Variants in RABGAP1L observed in about 807,000 individuals in gnomAD.
RABGAP1L encodes the protein rab GTPase-activating protein 1-like.
A neutral mutation model predicts 137.7 loss-of-function variants in RABGAP1L; 63 were observed. The observed-to-expected ratio is 0.46, with a 90% CI of 0.37 to 0.56. The LOEUF (loss-of-function observed/expected upper bound fraction) is 0.56. Ranked by LOEUF, RABGAP1L falls within the 20% of genes least tolerant of loss-of-function variation. The pLI, the probability that RABGAP1L is intolerant of heterozygous loss-of-function variation, is 0.00. For missense variants in RABGAP1L, 1,095 were observed against 1,244.0 expected (o/e 0.88, Z 1.80); for synonymous variants, 431 against 433.7 (o/e 0.99, Z 0.08).
At chr1:174,728,594 C>CTTTTTTTTTT (rs1294397296) in intron 17 of RABGAP1L, among the ~76,000 whole-genome samples, 1 of 114,626 alleles carries the variant, frequency 8.7e-6, no homozygotes, top group Non-Finnish European at 1.8e-5. Flanking sequence ...CTACCAGTGT[C>CTTTTTTTTTT]TTTTTTTTTT....
chr1:174,924,432 A>G (rs1230073158), intron 19 of RABGAP1L, among the ~76,000 whole-genome samples: 1 of 151,368 alleles, frequency 6.6e-6, no homozygotes, highest in Non-Finnish European at 1.5e-5. Flanking sequence ...TACTACTGAA[A>G]TCTAGAAAAG....
At chr1:174,168,120 C>T (rs1665054334) in intron 1 of RABGAP1L, among the ~76,000 whole-genome samples, 2 of 151,856 alleles carry the variant, frequency 1.3e-5, no homozygotes, top group South Asian at 4.1e-4. Flanking sequence ...CAAAAATTAG[C>T]CGAATGTGGT....
chr1:174,756,776 A>G (rs1684799616), intron 18 of RABGAP1L: 1 of 438,012 alleles, frequency 2.3e-6, no homozygotes, highest in Non-Finnish European at 4.5e-6. Context: ...TCCTTTGTTG[A>G]GGACAGGGGA....
At chr1:174,773,820 T>G (rs1686310958) in intron 18 of RABGAP1L, among the ~76,000 whole-genome samples, 1 of 152,222 alleles carries the variant, frequency 6.6e-6, no homozygotes, top group South Asian at 2.1e-4. Context: ...TGAATACTGT[T>G]TAATGCTCTG....
chr1:174,886,356 A>G (rs572755900), intron 19 of RABGAP1L, among the ~76,000 whole-genome samples: 55 of 152,338 alleles, frequency 3.6e-4, no homozygotes, highest in Non-Finnish European at 7.3e-4. Context: ...CGCAAGCTGA[A>G]CGTGTAATCA....
At chr1:174,340,004 TAA>T (rs780459753) in intron 11 of RABGAP1L, among the ~76,000 whole-genome samples, 29 of 152,206 alleles carry the variant, frequency 1.9e-4, no homozygotes, top group Non-Finnish European at 3.2e-4. Context: ...AAAGAGTTAA[TAA>T]GTTTTATTTT....
intron 13 of RABGAP1L, among the ~76,000 whole-genome samples, chr1:174,425,941 G>A (rs1651898021): frequency 1.3e-5 from 2 of 152,110 alleles, no homozygotes; most frequent in South Asian, 4.1e-4. Context: ...AAGTTCAAAG[G>A]ATTTGAACTA....
At chr1:174,629,864 A>C (rs1673209506) in intron 13 of RABGAP1L, among the ~76,000 whole-genome samples, 3 of 152,086 alleles carry the variant, frequency 2.0e-5, no homozygotes, top group Admixed American at 2.0e-4. Context: ...TTTTATTTTC[A>C]TTTGATTTTG....
Position 174,927,750 on chromosome 1 carries a change from G to C in RABGAP1L, c.2341-29707G>C, listed in dbSNP as rs562918862. ...TTCTTTTAAAATAATATTTTAAATAGTAAAAATGAAGCTGTTAAAAAATCT... is the reference window on the plus strand; with the variant it reads ...TTCTTTTAAAATAATATTTTAAATACTAAAAATGAAGCTGTTAAAAAATCT... On this transcript the variant is annotated intron_variant, in intron 19 of 25. Coordinates refer to ENST00000681986, the MANE Select transcript of RABGAP1L (RefSeq NM_001366446.1). 2.0e-5 allele frequency among the ~76,000 whole-genome samples: 3 copies of C among 152,246 alleles called. No homozygotes were observed. In the East Asian group the frequency reaches 5.8e-4, roughly 29 times the overall value.
Position 174,596,261 on chromosome 1 carries a change from C to G in RABGAP1L, c.1711-41114C>G, listed in dbSNP as rs539668919. 6.0e-5 allele frequency among the ~76,000 whole-genome samples: 9 copies of G among 150,186 alleles called. No individual in the cohort carries two copies. In the South Asian group the frequency reaches 1.3e-3, roughly 21 times the overall value. On this transcript the variant is annotated intron_variant, in intron 13 of 25. Transcript: ENST00000681986. ...GCCTGCGCCCACTGTCTGGCACTCC[C>G]TAGTGAGATGAACCCGGTACCTCAG...
intron 11 of RABGAP1L, among the ~76,000 whole-genome samples, chr1:174,306,607 T>C (rs1438534928): frequency 2.0e-5 from 3 of 152,202 alleles, no homozygotes; most frequent in Admixed American, 2.0e-4. Context: ...CCTGTGACTT[T>C]AGAATTTTCA....
At chr1:174,561,246 A>G (rs961311425) in intron 13 of RABGAP1L, among the ~76,000 whole-genome samples, 2 of 152,148 alleles carry the variant, frequency 1.3e-5, no homozygotes, top group South Asian at 4.1e-4. Flanking sequence ...TCATGAGTGA[A>G]CTCCCATTCA....
intron 13 of RABGAP1L, among the ~76,000 whole-genome samples, chr1:174,619,782 G>A (rs4515855): frequency 1.3e-5 from 2 of 150,602 alleles, no homozygotes; most frequent in Non-Finnish European, 3.0e-5. Flanking sequence ...CAAATTCACA[G>A]ATAACAATAT....
intron 17 of RABGAP1L, among the ~76,000 whole-genome samples, chr1:174,704,956 A>T (rs1283783248): frequency 1.3e-5 from 2 of 152,208 alleles, no homozygotes; most frequent in Non-Finnish European, 2.9e-5. Flanking sequence ...ACTTTTATAT[A>T]CTGAGCTGAG....
chr1:174,283,986 A>T (rs944356941), intron 10 of RABGAP1L, among the ~76,000 whole-genome samples: 2 of 152,246 alleles, frequency 1.3e-5, no homozygotes, highest in Non-Finnish European at 2.9e-5. Flanking sequence ...ATCTCAGGGT[A>T]TAATTGAAAA....
At chr1:174,515,531 G>C (rs1662747613) in intron 13 of RABGAP1L, among the ~76,000 whole-genome samples, 1 of 145,888 alleles carries the variant, frequency 6.9e-6, no homozygotes, top group African/African-American at 2.6e-5. Context: ...GTAGTTTGAA[G>C]ACTGATTTGT....
chr1:174,426,021 G>T (rs1217258277), intron 13 of RABGAP1L, among the ~76,000 whole-genome samples: 1 of 152,014 alleles, frequency 6.6e-6, no homozygotes, highest in Non-Finnish European at 1.5e-5. Context: ...GTAATTACTT[G>T]AGTGATACAG....
chr1:174,728,281 G>A (rs1173884247), intron 17 of RABGAP1L, among the ~76,000 whole-genome samples: 1 of 152,014 alleles, frequency 6.6e-6, no homozygotes, highest in Non-Finnish European at 1.5e-5. Context: ...TAACGTTTCA[G>A]GTTACAAAAT....
chr1:174,451,892 C>T (rs931489372), intron 13 of RABGAP1L, among the ~76,000 whole-genome samples: 9 of 152,006 alleles, frequency 5.9e-5, no homozygotes, highest in Non-Finnish European at 1.2e-4. Context: ...CCCTTGAATA[C>T]CTTTTTGAAA....
Sources: allele counts gnomAD v4.1 joint callset (sites outside exome capture counted in the v4.1 genomes callset), GRCh38; gene constraint gnomAD v4.1.1; transcripts MANE v1.5; gene names NCBI Gene and HGNC (gene_info 2026-07-23, HGNC 2026-07-21).